The following FBN2 variants were observed in gnomAD, a reference collection of about 807,000 sequenced individuals.
The protein encoded by FBN2 is fibrillin 2.
A neutral mutation model predicts 355.6 loss-of-function variants in FBN2; 105 were observed. The ratio of observed to expected loss-of-function variants is 0.30; its 90% CI spans 0.25 to 0.35. The LOEUF is 0.35. Ranked by LOEUF, FBN2 falls within the 10% of genes least tolerant of loss-of-function variation. The pLI is 1.00. For missense variants in FBN2, 3,280 were observed against 3,758.7 expected, an observed-to-expected ratio of 0.87 and a Z score of 3.33; for synonymous variants, 1,350 against 1,301.2, an observed-to-expected ratio of 1.04 and a Z score of -0.81.
chr5:128,418,073 G>A (rs1371803415), intron 7 of FBN2, among the ~76,000 whole-genome samples: 3 of 152,010 alleles, frequency 2.0e-5, no homozygotes, highest in Non-Finnish European at 4.4e-5. Context: ...TGTGTCCACA[G>A]ATTTATCTAT....
intron 8 of FBN2, among the ~76,000 whole-genome samples, chr5:128,400,740 C>T (rs1357846311): frequency 1.3e-5 from 2 of 152,144 alleles, no homozygotes; most frequent in African/African-American, 4.8e-5. Flanking sequence ...ACATCCTATA[C>T]TTCTAAACAA....
intron 56 of FBN2, 122 bp downstream of exon 56, chr5:128,280,070 T>C (rs897480136): frequency 5.1e-6 from 4 of 779,958 alleles, no homozygotes; most frequent in Non-Finnish European, 6.6e-6. Flanking sequence ...AAGAAGCATG[T>C]GGATTATTGA....
At chr5:128,443,534 A>T (rs1753977115) in intron 7 of FBN2, among the ~76,000 whole-genome samples, 1 of 152,216 alleles carries the variant, frequency 6.6e-6, no homozygotes, top group Non-Finnish European at 1.5e-5. Flanking sequence ...TTAACAAAAA[A>T]ATACACACAG....
chr5:128,456,602 G>T (rs190200612), intron 6 of FBN2, among the ~76,000 whole-genome samples: 1 of 152,048 alleles, frequency 6.6e-6, no homozygotes, highest in Non-Finnish European at 1.5e-5. Context: ...CCATCTCTGC[G>T]GCTCTCTAGT....
rs764891703 is a variant in FBN2, at chr5:128,272,130, A to C, written c.7841-12T>G. The C allele has an allele frequency of 1.2e-6, 2 of 1,613,932 alleles. No individual in the cohort carries two copies. Among genetic ancestry groups the C allele is most frequent in the South Asian group, 2.2e-5 (2 of 91,070 alleles). Reference sequence around the variant, plus strand: ...ACATTCATCAACATCTGCAAAAACAAGCCCGGCAAAACCTTTATGTCACCT... The same window carrying C: ...ACATTCATCAACATCTGCAAAAACACGCCCGGCAAAACCTTTATGTCACCT... On this transcript the variant is annotated splice_polypyrimidine_tract_variant and intron_variant, in intron 61 of 64. Coordinates refer to ENST00000262464, the MANE Select transcript of FBN2 (RefSeq NM_001999.4).
chr5:128,391,404 G>A (rs978650970), intron 11 of FBN2, among the ~76,000 whole-genome samples: 1 of 152,054 alleles, frequency 6.6e-6, no homozygotes, highest in African/African-American at 2.4e-5. Context: ...GTAAAACAAC[G>A]ACACTTGTTT....
At chr5:128,318,452 A>T (rs1750271681) in intron 35 of FBN2, among the ~76,000 whole-genome samples, 181 bp from the exon 36 acceptor site, 1 of 152,142 alleles carries the variant, frequency 6.6e-6, no homozygotes, top group African/African-American at 2.4e-5. Flanking sequence ...TCCATACATC[A>T]AGGACAGAGT....
chr5:128,271,693 C>T (rs958890921), intron 62 of FBN2, among the ~76,000 whole-genome samples: 3 of 152,198 alleles, frequency 2.0e-5, no homozygotes, highest in East Asian at 3.9e-4. Context: ...GGCTGACCTT[C>T]GCAAACAAAG....
intron 5 of FBN2, among the ~76,000 whole-genome samples, chr5:128,511,947 C>G (rs549640038): frequency 1.3e-5 from 2 of 152,212 alleles, no homozygotes; most frequent in South Asian, 4.1e-4. Context: ...AAAGGGCAAA[C>G]TAAGACATTT....
rs1751197955 is a variant in FBN2 at position 128,346,941 on chromosome 5, A to G, written c.2990-1357T>C. On this transcript the variant is annotated intron_variant, in intron 23 of 64. Coordinates refer to ENST00000262464, the MANE Select transcript of FBN2 (RefSeq NM_001999.4). ...AGGTGATTCTGTCTTATATATCTAC[A>G]TTAACACAAACCAAAAAGCCACATG... Among the ~76,000 whole-genome samples the G allele has an allele frequency of 1.3e-5, 2 of 152,242 alleles. 1 individual carries two copies. Among genetic ancestry groups the G allele is most frequent in the South Asian group, 4.1e-4 (2 of 4,828 alleles).
intron 6 of FBN2, among the ~76,000 whole-genome samples, chr5:128,460,874 A>T (rs999427666): frequency 2.6e-5 from 4 of 152,216 alleles, no homozygotes; most frequent in Non-Finnish European, 5.9e-5. Context: ...AAAGACTTAA[A>T]TGTAAAATCC....
intron 7 of FBN2, among the ~76,000 whole-genome samples, chr5:128,436,915 G>A (rs191291157): frequency 1.1e-3 from 175 of 152,212 alleles, no homozygotes; most frequent in Admixed American, 2.1e-3. Flanking sequence ...CCCTAACTGC[G>A]GGGAATATCA....
intron 24 of FBN2, 88 bp from the exon 25 acceptor site, chr5:128,344,598 C>A (rs1751119190): frequency 8.2e-7 from 1 of 1,218,276 alleles, no homozygotes; most frequent in African/African-American, 1.5e-5. Context: ...TCATGATGGA[C>A]AACAGTAATG....
At chr5:128,318,376 A>G in intron 35 of FBN2, 105 bp from the exon 36 acceptor site, 20 of 1,123,788 alleles carry the variant, frequency 1.8e-5, no homozygotes, top group Non-Finnish European at 2.7e-5. Flanking sequence ...TAGATTAAAG[A>G]TCACTAGGAA....
In FBN2 at chr5:128,511,653, T is replaced by A. The variant is rs185491813; in HGVS notation, c.628+7620A>T. Among the ~76,000 whole-genome samples, 11 of 152,102 alleles carry A rather than the reference T, an allele frequency of 7.2e-5. No homozygotes were observed. The East Asian group carries it at 2.1e-3, about 29-fold the overall frequency. On this transcript the variant is annotated intron_variant, in intron 5 of 64. Coordinates refer to ENST00000262464, the MANE Select transcript of FBN2 (RefSeq NM_001999.4). The stretch of plus-strand genomic sequence containing the variant: ...AAGCAAATACACAGTCACAACACAA[T>A]GAAAAGAGCTATTCTAGAGGAATGG...
intron 6 of FBN2, among the ~76,000 whole-genome samples, chr5:128,454,199 T>C (rs1754326887): frequency 6.6e-6 from 1 of 152,240 alleles, no homozygotes; most frequent in South Asian, 2.1e-4. Context: ...TCCCAACAGC[T>C]ACATGTGCTC....
In FBN2 at chr5:128,330,683, C is replaced by T; in HGVS notation, c.4235G>A (p.Cys1412Tyr). ...GCTACACTGGTGGGTTCCATTAGAA[C>T]ATTCGTCCAGATCTGCAGAACACAG... ...NGIKCIDLDE[C>Y]SNGTHQCSIN... The change falls in exon 33 of 65, where the codon TGT becomes TAT. Residue 1412 changes from cysteine to tyrosine, a missense_variant. This residue lies in a region of FBN2 where 2,284 missense variants were observed against 2,749.5 expected (regional missense o/e 0.83). Transcript: ENST00000262464. 1.2e-6 allele frequency: 2 copies of T among 1,614,024 alleles called. No homozygotes were observed. The highest frequency in any genetic ancestry group is 1.7e-6 in the Non-Finnish European group (2 of 1,179,908).
chr5:128,326,190 C>T (rs1750540765), intron 34 of FBN2, among the ~76,000 whole-genome samples: 1 of 152,176 alleles, frequency 6.6e-6, no homozygotes, highest in Non-Finnish European at 1.5e-5. Context: ...GTTTAAATAA[C>T]ATCTCTTGAT....
chr5:128,525,172 G>C (rs931594198), intron 4 of FBN2, among the ~76,000 whole-genome samples: 4 of 152,138 alleles, frequency 2.6e-5, no homozygotes, highest in Non-Finnish European at 4.4e-5. Flanking sequence ...TACTCTGAAA[G>C]ATCAGTTGAG....
Sources: allele counts gnomAD v4.1 joint callset (sites outside exome capture counted in the v4.1 genomes callset), GRCh38; gene constraint gnomAD v4.1.1; regional missense constraint gnomAD v4.1.1; transcripts MANE v1.5; gene names NCBI Gene and HGNC (gene_info 2026-07-23, HGNC 2026-07-21).